The following ESYT2 variants were observed in gnomAD, a reference collection of about 807,000 sequenced individuals.
ESYT2 encodes the protein extended synaptotagmin-2.
In ESYT2, 54 loss-of-function variants were observed where a neutral mutation model predicts 107.2. The ratio of observed to expected loss-of-function variants is 0.50; its 90% CI spans 0.40 to 0.63. ESYT2 has a LOEUF of 0.63. ESYT2 is among the 30% of genes least tolerant of loss of function. The pLI, the probability that ESYT2 is intolerant of heterozygous loss-of-function variation, is 0.00. For synonymous variants in ESYT2, 491 were observed against 434.1 expected (o/e 1.13, Z -1.63); for missense variants, 1,020 against 1,094.5 (o/e 0.93, Z 0.96).
intron 6 of ESYT2, among the ~76,000 whole-genome samples, chr7:158,779,553 A>T (rs1479623336): frequency 1.3e-5 from 2 of 152,226 alleles, no homozygotes; most frequent in Admixed American, 6.5e-5. Context: ...TCTTATCTGT[A>T]ACCTTTTGCC....
At chr7:158,806,250 C>A (rs1310164656) in intron 1 of ESYT2, among the ~76,000 whole-genome samples, 1 of 152,230 alleles carries the variant, frequency 6.6e-6, no homozygotes, top group Non-Finnish European at 1.5e-5. Flanking sequence ...GACAAGTGAC[C>A]ATCACCTATT....
Position 158,782,947 on chromosome 7 carries a change from A to G in ESYT2, c.747+5057T>C, listed in dbSNP as rs960192142. Among the ~76,000 whole-genome samples, 4 of 152,334 alleles carry G rather than the reference A, an allele frequency of 2.6e-5. No individual in the cohort carries two copies. The East Asian group carries it at 7.7e-4, about 29-fold the overall frequency. The stretch of plus-strand genomic sequence containing the variant: ...TGAGGTCCACATGAGGGCACCGTGG[A>G]GAAGCCACCAGCAGGGCCCGATAAA... On this transcript the variant is annotated intron_variant, in intron 6 of 22. Transcript: ENST00000275418.
intron 6 of ESYT2, among the ~76,000 whole-genome samples, chr7:158,774,269 T>C (rs1048852917): frequency 5.9e-5 from 9 of 152,208 alleles, no homozygotes; most frequent in African/African-American, 7.2e-5. Context: ...AAGATTCTTA[T>C]AGATAGAACA....
chr7:158,829,263 C>A lies in ESYT2; in HGVS notation c.156G>T (p.Ala52=). Residue 52 remains alanine, a synonymous_variant, in exon 1 of 23, where the codon GCG becomes GCT. Transcript: ENST00000275418. ...TGAAGCTGAGCCCCAGGTAGCCCAG[C>A]GCGTACACGGGCAGCAGCAGCGCGA... The part of the protein sequence containing the change: ...RSFALLLPVY[A]LGYLGLSFSW... 2.6e-5 allele frequency: 40 copies of A among 1,524,756 alleles called. No homozygotes were observed. Among genetic ancestry groups the A allele is most frequent in the Non-Finnish European group, 3.5e-5 (40 of 1,144,624 alleles). The allele number at this position is 1,524,756 out of a possible 1,614,324, so 94.5% of individuals were successfully genotyped here.
chr7:158,764,114 C>T (rs918676900), intron 9 of ESYT2, among the ~76,000 whole-genome samples: 2 of 152,172 alleles, frequency 1.3e-5, no homozygotes, highest in African/African-American at 4.8e-5. Flanking sequence ...AGCAATTTCA[C>T]TTTAAAGAGC....
At chr7:158,738,431 G>A (rs555272526) in intron 19 of ESYT2, among the ~76,000 whole-genome samples, 1 of 151,298 alleles carries the variant, frequency 6.6e-6, no homozygotes, top group East Asian at 1.9e-4. Context: ...GCTGAATACT[G>A]TAGGCAATTG....
In ESYT2 at chr7:158,767,732, A is replaced by C; in HGVS notation, c.846T>G (p.Tyr282Ter). Residue 282 changes from tyrosine to a stop codon, truncating the protein, a stop_gained, in exon 8 of 23, where the codon TAT becomes TAG. Coordinates refer to ENST00000275418, the MANE Select transcript of ESYT2 (RefSeq NM_001367773.1). LOFTEE classifies it high-confidence loss of function. ...DTIILDIISNYLVLPNRITVP... is the reference protein window; with the variant it reads ...DTIILDIISN Reference sequence around the variant, plus strand: ...CGGTGATTCGATTGGGAAGCACCAGATAGTTTGATATTATATCCAAAATGA... The same window carrying C: ...CGGTGATTCGATTGGGAAGCACCAGCTAGTTTGATATTATATCCAAAATGA... 6.2e-7 allele frequency: 1 copy of C among 1,613,158 alleles called. No individual in the cohort carries two copies. Among genetic ancestry groups the C allele is most frequent in the Non-Finnish European group, 8.5e-7 (1 of 1,179,560 alleles).
intron 4 of ESYT2, among the ~76,000 whole-genome samples, chr7:158,789,403 C>CT (rs1839211474): frequency 6.6e-6 from 1 of 152,070 alleles, no homozygotes; most frequent in African/African-American, 2.4e-5. Flanking sequence ...GTTGCCGAGG[C>CT]TGGAGTACAG....
intron 3 of ESYT2, among the ~76,000 whole-genome samples, chr7:158,795,920 C>T (rs1370794525): frequency 6.6e-6 from 1 of 152,166 alleles, no homozygotes; most frequent in Non-Finnish European, 1.5e-5. Context: ...TAAGGCTGCA[C>T]AGGAGGCACG....
intron 14 of ESYT2, among the ~76,000 whole-genome samples, chr7:158,750,477 TCA>T (rs964255919): frequency 5.9e-5 from 9 of 152,124 alleles, no homozygotes; most frequent in African/African-American, 1.9e-4. Context: ...AATTAGAAGG[TCA>T]CAAAAATGTT....
intron 1 of ESYT2, among the ~76,000 whole-genome samples, chr7:158,820,231 G>C (rs1245900534): frequency 2.6e-5 from 4 of 152,292 alleles, no homozygotes; most frequent in Admixed American, 6.5e-5. Flanking sequence ...AGTCTAGAGA[G>C]ATATTAACAA....
chr7:158,739,901 A>C (rs905490175), intron 18 of ESYT2, among the ~76,000 whole-genome samples: 1 of 148,890 alleles, frequency 6.7e-6, no homozygotes, highest in Non-Finnish European at 1.5e-5. Flanking sequence ...ACCAAGCTAC[A>C]AAGAAGACCT....
intron 1 of ESYT2, 131 bp downstream of exon 1, chr7:158,828,958 G>A (rs1219064558): frequency 7.4e-7 from 1 of 1,350,318 alleles, no homozygotes; most frequent in East Asian, 2.9e-5. Flanking sequence ...GACTACGAAG[G>A]CGGGAGCCGG....
intron 7 of ESYT2, among the ~76,000 whole-genome samples, chr7:158,769,558 G>A (rs1159795888): frequency 6.6e-6 from 1 of 152,224 alleles, no homozygotes; most frequent in Admixed American, 6.5e-5. Context: ...ATTTCCCTGT[G>A]TGTCCTTCGG....
chr7:158,828,050 C>T (rs1322473124), intron 1 of ESYT2, among the ~76,000 whole-genome samples: 1 of 151,986 alleles, frequency 6.6e-6, no homozygotes, highest in Non-Finnish European at 1.5e-5. Context: ...CTTCCTGCCA[C>T]ACACACACAC....
At chr7:158,788,121 G>A in intron 5 of ESYT2, 28 bp from the exon 6 acceptor site, 2 of 1,582,340 alleles carry the variant, frequency 1.3e-6, no homozygotes, top group Non-Finnish European at 1.7e-6. Context: ...ACCAAAATAT[G>A]TAATAGAAAA....
intron 13 of ESYT2, among the ~76,000 whole-genome samples, chr7:158,754,183 G>A (rs1346663461): frequency 2.0e-5 from 3 of 151,856 alleles, no homozygotes; most frequent in South Asian, 4.1e-4. Flanking sequence ...GGAGCCACCT[G>A]TGTTTTTTGT....
At chr7:158,750,104 G>T (rs111384520) in intron 14 of ESYT2, among the ~76,000 whole-genome samples, 3 of 152,082 alleles carry the variant, frequency 2.0e-5, no homozygotes, top group Non-Finnish European at 1.5e-5. Context: ...GTAAAAGAAC[G>T]TAAAATTCAG....
intron 1 of ESYT2, among the ~76,000 whole-genome samples, chr7:158,805,834 G>C (rs1170280984): frequency 1.3e-5 from 2 of 152,178 alleles, no homozygotes; most frequent in Non-Finnish European, 2.9e-5. Flanking sequence ...GAGACCACAG[G>C]TAGTGATCAT....
Sources: gnomAD v4.1 joint callset for allele counts (sites outside exome capture counted in the v4.1 genomes callset) on GRCh38, gnomAD v4.1.1 for gene constraint, MANE v1.5 for transcripts, NCBI Gene and HGNC (gene_info 2026-07-23, HGNC 2026-07-21) for gene names.